EPM2A: variants seen among roughly 807,000 people sequenced by gnomAD.
EPM2A encodes the protein laforin.
EPM2A carries 21 observed loss-of-function variants against 26.5 expected under a neutral mutation model. The observed-to-expected ratio is 0.79, with a 90% confidence interval of 0.56 to 1.14. The LOEUF (loss-of-function observed/expected upper bound fraction) is 1.14. Among genes scored for constraint, EPM2A ranks in the 50% most tolerant of loss-of-function variants. The probability of loss-of-function intolerance (pLI) is 0.00; values close to 1 mark genes in which losing one functional copy is unlikely to be tolerated. For synonymous variants in EPM2A, 217 were observed against 177.6 expected (o/e 1.22, Z -1.76); for missense variants, 458 against 440.8 (o/e 1.04, Z -0.35).
At chr6:145,396,924 T>G (rs932390981) in intron 4 of EPM2A, among the ~76,000 whole-genome samples, 4 of 152,208 alleles carry the variant, frequency 2.6e-5, no homozygotes, top group African/African-American at 9.6e-5. Flanking sequence ...AGTCAAGTAC[T>G]GAAACAGGTG....
At chr6:145,525,296 C>T (rs541668094) in intron 2 of EPM2A, among the ~76,000 whole-genome samples, 25 of 151,202 alleles carry the variant, frequency 1.7e-4, no homozygotes, top group African/African-American at 2.2e-4. Context: ...GGGTCTTTTT[C>T]GGTTCCAAAT....
chr6:145,503,559 G>A (rs1486225262), intron 2 of EPM2A, among the ~76,000 whole-genome samples: 3 of 86,548 alleles, frequency 3.5e-5, no homozygotes, highest in Non-Finnish European at 6.5e-5. Flanking sequence ...CCTCTTCAAG[G>A]AGAACTACAA....
At chr6:145,537,780 G>A (rs1364277844) in intron 2 of EPM2A, among the ~76,000 whole-genome samples, 1 of 151,474 alleles carries the variant, frequency 6.6e-6, no homozygotes, top group East Asian at 1.9e-4. Context: ...AGGCCCCAGT[G>A]TGTGTTGTTG....
Position 145,690,216 on chromosome 6 carries a change from A to G in EPM2A, c.302-3920T>C, listed in dbSNP as rs190107382. On this transcript the variant is annotated intron_variant, in intron 1 of 3. Coordinates refer to ENST00000367519, the MANE Select transcript of EPM2A (RefSeq NM_005670.4). ...TCAGTTAAAATCAAAGGTTTGCATAAGAGCTAACCTCAGGCCGGGCACGGT... is the reference window on the plus strand; with the variant it reads ...TCAGTTAAAATCAAAGGTTTGCATAGGAGCTAACCTCAGGCCGGGCACGGT... 6.1e-4 allele frequency among the ~76,000 whole-genome samples: 93 copies of G among 152,304 alleles called. No homozygotes were observed. In the Middle Eastern group the frequency reaches 0.014, roughly 22 times the overall value.
intron 3 of EPM2A, chr6:145,632,012 T>C (rs1776297651): frequency 6.6e-6 from 1 of 152,196 alleles, no homozygotes; most frequent in Non-Finnish European, 1.5e-5. Context: ...ATCTATAACA[T>C]CCTTTGGTAG....
At chr6:145,466,412 T>A (rs1414319465) in intron 4 of EPM2A, among the ~76,000 whole-genome samples, 1 of 152,166 alleles carries the variant, frequency 6.6e-6, no homozygotes, top group African/African-American at 2.4e-5. Context: ...TCACTGGCCA[T>A]CAGAGAAATG....
At chr6:145,522,242 G>A (rs972053546) in intron 2 of EPM2A, among the ~76,000 whole-genome samples, 1 of 152,214 alleles carries the variant, frequency 6.6e-6, no homozygotes, top group African/African-American at 2.4e-5. Flanking sequence ...ATGAGCCACC[G>A]CGCCTGGCCA....
At chr6:145,479,885 G>T (rs1359534504) in intron 4 of EPM2A, among the ~76,000 whole-genome samples, 1 of 151,932 alleles carries the variant, frequency 6.6e-6, no homozygotes, top group Non-Finnish European at 1.5e-5. Flanking sequence ...AACATACAAG[G>T]ATTTCAATTC....
In EPM2A at chr6:145,476,316, C is replaced by T. The variant is rs543470042; in HGVS notation, c.555+26206G>A. On this transcript the variant is annotated intron_variant, in intron 4 of 4. Transcript: ENST00000638717. The stretch of plus-strand genomic sequence containing the variant: ...ATTAGAGCTAAAGAGAGATATAGGC[C>T]CCAATACAATACAATATTAACTGGA... Among the ~76,000 whole-genome samples the T allele has an allele frequency of 9.9e-4, 151 of 151,908 alleles. 2 individuals carry two copies. The highest frequency in any genetic ancestry group is 1.9e-3 in the Non-Finnish European group (127 of 67,896).
chr6:145,397,899 A>G (rs565460239), intron 4 of EPM2A, among the ~76,000 whole-genome samples: 7 of 152,318 alleles, frequency 4.6e-5, no homozygotes, highest in Non-Finnish European at 8.8e-5. Context: ...AAAGACAACC[A>G]CAGTGAACTT....
chr6:145,728,881 C>T lies in EPM2A; in HGVS notation c.301+6317G>A, dbSNP rs78381574. Among the ~76,000 whole-genome samples, 378 of 152,326 alleles carry T rather than the reference C, an allele frequency of 2.5e-3. 4 individuals are homozygous for T. The highest frequency in any genetic ancestry group is 8.5e-3 in the African/African-American group (355 of 41,572). On this transcript the variant is annotated intron_variant, in intron 1 of 3. Coordinates refer to ENST00000367519, the MANE Select transcript of EPM2A (RefSeq NM_005670.4). Reference sequence around the variant, plus strand: ...ACCTCCATAGCAGCCCCTCTCACCACAAGCCTGGAGGCCTAGGAGGGAAAA... The same window carrying T: ...ACCTCCATAGCAGCCCCTCTCACCATAAGCCTGGAGGCCTAGGAGGGAAAA...
chr6:145,694,346 C>T (rs1016334507), intron 1 of EPM2A, among the ~76,000 whole-genome samples: 6 of 151,938 alleles, frequency 3.9e-5, no homozygotes, highest in East Asian at 1.9e-4. Context: ...ACAAACTCTT[C>T]GGCACTTTGA....
intron 4 of EPM2A, among the ~76,000 whole-genome samples, chr6:145,459,081 A>G (rs994775825): frequency 1.3e-5 from 2 of 152,144 alleles, no homozygotes. Flanking sequence ...CACTTATTAA[A>G]ATGGTAAAGA....
chr6:145,388,653 G>C (rs1778295217), intron 4 of EPM2A, among the ~76,000 whole-genome samples: 1 of 151,988 alleles, frequency 6.6e-6, no homozygotes, highest in South Asian at 2.1e-4. Context: ...TCCTAATGCT[G>C]TCCCTCCCCT....
intron 3 of EPM2A, among the ~76,000 whole-genome samples, chr6:145,634,875 T>C (rs1210846973): frequency 6.6e-6 from 1 of 152,182 alleles, no homozygotes; most frequent in Non-Finnish European, 1.5e-5. Context: ...TAACAAAAAA[T>C]TCATCATAGT....
chr6:145,707,598 G>T lies in EPM2A; in HGVS notation c.302-21302C>A, dbSNP rs946653168. On this transcript the variant is annotated intron_variant, in intron 1 of 3. Transcript: ENST00000367519. ...ATGAGATCTGATGGTTTTATAAAAG[G>T]GTATACCCTTGTACATGTTCTCTTG... is the stretch of plus-strand genomic sequence containing the variant. Among the ~76,000 whole-genome samples the T allele has an allele frequency of 3.9e-5, 6 of 152,208 alleles. No individual in the cohort carries two copies. In the South Asian group the frequency reaches 1.2e-3, roughly 32 times the overall value.
intron 4 of EPM2A, among the ~76,000 whole-genome samples, chr6:145,472,008 C>A (rs1202262600): frequency 1.3e-5 from 2 of 150,758 alleles, no homozygotes; most frequent in African/African-American, 4.9e-5. Context: ...TGCCTTCCTT[C>A]TGCTTGAGGA....
chr6:145,596,040 A>G (rs917664831), intron 2 of EPM2A, among the ~76,000 whole-genome samples: 1 of 152,218 alleles, frequency 6.6e-6, no homozygotes, highest in Non-Finnish European at 1.5e-5. Flanking sequence ...TGGAAATTTA[A>G]AAGTCCTAAA....
chr6:145,562,050 A>G (rs1321340792), intron 2 of EPM2A, among the ~76,000 whole-genome samples: 1 of 151,660 alleles, frequency 6.6e-6, no homozygotes, highest in Admixed American at 6.6e-5. Context: ...ATATCCCAGA[A>G]CTTAAATTTT....
Sources: allele counts gnomAD v4.1 joint callset (sites outside exome capture counted in the v4.1 genomes callset), GRCh38; gene constraint gnomAD v4.1.1; transcripts MANE v1.5; gene names NCBI Gene and HGNC (gene_info 2026-07-23, HGNC 2026-07-21).